The following VEPH1 variants were observed in gnomAD, a reference collection of about 807,000 sequenced individuals.
The protein encoded by VEPH1 is ventricular zone expressed PH domain containing 1.
Under a neutral mutation model 85.2 loss-of-function variants are expected in VEPH1, and 80 were observed. The observed-to-expected ratio is 0.94, with a 90% CI of 0.78 to 1.13. VEPH1 has a LOEUF of 1.13. VEPH1 is among the 50% of genes most tolerant of loss of function. The pLI is 0.00. For missense variants in VEPH1, 955 were observed against 980.5 expected, an observed-to-expected ratio of 0.97 and a Z score of 0.35; for synonymous variants, 297 against 348.0, an observed-to-expected ratio of 0.85 and a Z score of 1.63.
intron 12 of VEPH1, among the ~76,000 whole-genome samples, chr3:157,271,115 A>C (rs891635026): frequency 2.6e-5 from 4 of 152,142 alleles, no homozygotes; most frequent in Admixed American, 2.6e-4. Flanking sequence ...AACACCCCTC[A>C]TGGGCTGAGG....
At chr3:157,497,868 T>C (rs1353424942) in intron 1 of VEPH1, among the ~76,000 whole-genome samples, 1 of 152,174 alleles carries the variant, frequency 6.6e-6, no homozygotes, top group Non-Finnish European at 1.5e-5. Context: ...CACACAGCCA[T>C]ACAGGAAAGC....
At chr3:157,443,943 C>G (rs1327046967) in intron 4 of VEPH1, among the ~76,000 whole-genome samples, 1 of 152,310 alleles carries the variant, frequency 6.6e-6, no homozygotes, top group African/African-American at 2.4e-5. Context: ...CATGAATTAT[C>G]ACAGTTCCTC....
chr3:157,269,642 GT>G (rs11408861), intron 12 of VEPH1, among the ~76,000 whole-genome samples: 12,379 of 115,406 alleles, frequency 0.11, 544 homozygotes, highest in African/African-American at 0.22. Context: ...TGTTTTTGTT[GT>G]TTTTTTTTTT....
chr3:157,381,341 G>A lies in VEPH1; in HGVS notation c.942C>T (p.Ser314=), dbSNP rs773791055. Residue 314 remains serine, a synonymous_variant, in exon 7 of 14, where the codon AGC becomes AGT. Coordinates refer to ENST00000362010, the MANE Select transcript of VEPH1 (RefSeq NM_001167912.2). The stretch of plus-strand genomic sequence containing the variant: ...ACGAATGCTCCATGTTGGCCAGTTG[G>A]CTCACCAGGTATGTCAGGCAGCTCC... ...RARSCLTYLV[S]QLANMEHSFH... The A allele has an allele frequency of 2.1e-5, 34 of 1,614,016 alleles. No individual in the cohort carries two copies. Among genetic ancestry groups the A allele is most frequent in the Non-Finnish European group, 2.9e-5 (34 of 1,180,024 alleles).
intron 11 of VEPH1, among the ~76,000 whole-genome samples, chr3:157,294,974 C>CTAAAGGGTAAA (rs1362647193): frequency 1.3e-5 from 2 of 152,240 alleles, no homozygotes; most frequent in South Asian, 4.1e-4. Context: ...TATTTACATT[C>CTAAAGGGTAAA]TAAAGGGTAA....
chr3:157,272,369 TC>T (rs1303745785), intron 12 of VEPH1, among the ~76,000 whole-genome samples: 10 of 82,246 alleles, frequency 1.2e-4, no homozygotes, highest in South Asian at 4.5e-4. Flanking sequence ...TCTTTCTTTC[TC>T]TTTCTTTTCT....
rs548053343 is a variant in VEPH1 at position 157,464,055 on chromosome 3, A to C, written c.355-3700T>G. 2.0e-5 allele frequency among the ~76,000 whole-genome samples: 3 copies of C among 152,346 alleles called. No individual in the cohort carries two copies. The East Asian group carries it at 5.8e-4, about 29-fold the overall frequency. ...CATTGAGCATCCTCTTTTTGTTAAC[A>C]TACTGATCAAACATGTGGTGTTTAG... On this transcript the variant is annotated intron_variant, in intron 3 of 13. Transcript: ENST00000362010.
intron 2 of VEPH1, chr3:157,488,943 T>TCTCC (rs1738944946): frequency 3.8e-6 from 1 of 262,854 alleles, no homozygotes; most frequent in African/African-American, 2.4e-5. Context: ...TCTCTCTCTC[T>TCTCC]CTTTCTCTCT....
At chr3:157,425,116 A>G (rs901977607) in intron 5 of VEPH1, among the ~76,000 whole-genome samples, 2 of 152,206 alleles carry the variant, frequency 1.3e-5, no homozygotes, top group African/African-American at 4.8e-5. Flanking sequence ...CAATGACTGA[A>G]AGGGGCCAAA....
chr3:157,416,510 C>G (rs564736090), intron 5 of VEPH1, among the ~76,000 whole-genome samples: 66 of 152,272 alleles, frequency 4.3e-4, no homozygotes, highest in African/African-American at 1.5e-3. Flanking sequence ...GCCAGCTGCT[C>G]CAGGTCAGGG....
At chr3:157,386,523 AT>A (rs943873101) in intron 6 of VEPH1, among the ~76,000 whole-genome samples, 8 of 152,006 alleles carry the variant, frequency 5.3e-5, no homozygotes, top group Non-Finnish European at 1.0e-4. Context: ...GAGAGGAGTG[AT>A]TTTTTTCCTC....
chr3:157,364,312 C>A lies in VEPH1; in HGVS notation c.1328G>T (p.Arg443Ile). 1 of 1,609,582 alleles carries A rather than the reference C, an allele frequency of 6.2e-7. No individual in the cohort carries two copies. The highest frequency in any genetic ancestry group is 1.7e-5 in the Admixed American group (1 of 59,738). The change falls in exon 8 of 14, where the codon AGA becomes ATA. Residue 443 changes from arginine (R) to isoleucine (I), a missense_variant. Arg to Ile is a moderately conservative substitution (Grantham distance 97, BLOSUM62 -3). Transcript: ENST00000362010. ...ACCAAACGAGTTATACCTGTTAAAT[C>A]TAATGTTTTTTCTTTCTTCTTTAGA... Reference protein sequence around the residue: ...QVSKEERKNIRFNRSKSLAFH... With the variant: ...QVSKEERKNIIFNRSKSLAFH...
At chr3:157,434,365 G>A (rs1733393902) in intron 4 of VEPH1, among the ~76,000 whole-genome samples, 1 of 151,846 alleles carries the variant, frequency 6.6e-6, no homozygotes, top group African/African-American at 2.4e-5. Context: ...AGGCTGGAAC[G>A]CAGTGGTGTG....
intron 9 of VEPH1, among the ~76,000 whole-genome samples, chr3:157,347,867 G>C (rs1237568568): frequency 2.0e-5 from 3 of 152,186 alleles, no homozygotes; most frequent in African/African-American, 7.2e-5. Flanking sequence ...GCATTGCTCT[G>C]ATTAGGAACA....
At position 157,363,689 on chromosome 3, in the gene VEPH1, C is replaced by T. The variant is rs375478528; in HGVS notation, c.1410G>A (p.Arg470=). 1.2e-6 allele frequency: 2 copies of T among 1,613,948 alleles called. No homozygotes were observed. Among genetic ancestry groups the T allele is most frequent in the Non-Finnish European group, 1.7e-6 (2 of 1,180,006 alleles). ...VGSDDGEDEN[R]GDIPASISLS... ...GAGAGATGCTGGCTGGTATGTCTCCCCTGTTTTCATCTTCGCCGTCATCTG... is the reference window on the plus strand; with the variant it reads ...GAGAGATGCTGGCTGGTATGTCTCCTCTGTTTTCATCTTCGCCGTCATCTG... The change falls in exon 9 of 14, where the codon AGG becomes AGA. Residue 470 remains arginine (R), a synonymous_variant. Coordinates refer to ENST00000362010, the MANE Select transcript of VEPH1 (RefSeq NM_001167912.2).
At chr3:157,282,276 GTACA>G (rs1487528940) in intron 12 of VEPH1, among the ~76,000 whole-genome samples, 5 of 151,734 alleles carry the variant, frequency 3.3e-5, no homozygotes, top group Non-Finnish European at 4.4e-5. Flanking sequence ...CATGATCATG[GTACA>G]CCACAGCTTC....
intron 12 of VEPH1, among the ~76,000 whole-genome samples, chr3:157,280,358 T>G (rs1715946404): frequency 6.6e-6 from 1 of 152,282 alleles, no homozygotes; most frequent in East Asian, 1.9e-4. Flanking sequence ...TAGTGATTTG[T>G]TAGTGGATAA....
chr3:157,418,718 T>G (rs1476206426), intron 5 of VEPH1, among the ~76,000 whole-genome samples: 1 of 152,124 alleles, frequency 6.6e-6, no homozygotes, highest in African/African-American at 2.4e-5. Flanking sequence ...TCCATGCTCA[T>G]AGATAGAAAG....
At chr3:157,287,582 T>C (rs1228287140) in intron 11 of VEPH1, among the ~76,000 whole-genome samples, 1 of 152,130 alleles carries the variant, frequency 6.6e-6, no homozygotes, top group Non-Finnish European at 1.5e-5. Context: ...ATTTTTTTAC[T>C]GAGATAGAGT....
Sources: gnomAD v4.1 joint callset for allele counts (sites outside exome capture counted in the v4.1 genomes callset) on GRCh38, gnomAD v4.1.1 for gene constraint, MANE v1.5 for transcripts, NCBI Gene and HGNC (gene_info 2026-07-23, HGNC 2026-07-21) for gene names.